Variants in RCC1L observed in about 807,000 individuals in gnomAD.
RCC1L encodes RCC1-like G exchanging factor-like protein.
In RCC1L, 46 loss-of-function variants were observed where a neutral mutation model predicts 58.6. The ratio of observed to expected loss-of-function variants is 0.79; its 90% CI spans 0.62 to 1.00. The LOEUF is 1.00. Among genes scored for constraint, RCC1L ranks in the 50% least tolerant of loss-of-function variants. The pLI, the probability that RCC1L is intolerant of heterozygous loss-of-function variation, is 0.00. For synonymous variants in RCC1L, 281 were observed against 262.9 expected, an observed-to-expected ratio of 1.07 and a Z score of -0.67; for missense variants, 636 against 623.6, an observed-to-expected ratio of 1.02 and a Z score of -0.21.
intron 10 of RCC1L, among the ~76,000 whole-genome samples, chr7:75,052,465 C>T (rs1214469644): frequency 6.6e-6 from 1 of 152,226 alleles, no homozygotes; most frequent in Admixed American, 6.5e-5. Context: ...CTCCTGCACC[C>T]CAAGAAGCCT....
downstream of RCC1L, among the ~76,000 whole-genome samples, chr7:75,041,242 A>C (rs587725526): frequency 0.042 from 4,216 of 100,234 alleles, 88 homozygotes; most frequent in Non-Finnish European, 0.06. Context: ...AACTAACTAA[A>C]TAAATAAAGG....
chr7:75,067,288 C>T (rs1397110234), intron 2 of RCC1L, among the ~76,000 whole-genome samples: 10 of 144,074 alleles, frequency 6.9e-5, no homozygotes, highest in African/African-American at 2.1e-4. Context: ...GGGACAAGAG[C>T]GAGACTTCAT....
intron 1 of RCC1L, 36 bp downstream of exon 1, chr7:75,073,374 AAGAG>A: frequency 1.1e-6 from 1 of 919,902 alleles, no homozygotes; most frequent in African/African-American, 1.8e-5. Context: ...GGGAGCGCGG[AAGAG>A]AGAGAAGGAG....
At chr7:75,030,132 G>A (rs1189624097) in intron 10 of RCC1L, among the ~76,000 whole-genome samples, 1 of 152,254 alleles carries the variant, frequency 6.6e-6, no homozygotes, top group East Asian at 1.9e-4. Context: ...CACTATAAGG[G>A]AAGAGGAGCT....
At chr7:75,050,000 C>A (rs1265899265) in intron 10 of RCC1L, among the ~76,000 whole-genome samples, 1 of 152,208 alleles carries the variant, frequency 6.6e-6, no homozygotes, top group East Asian at 1.9e-4. Context: ...CGAGGCCACT[C>A]CGTGCACAAA....
Position 75,042,499 on chromosome 7 carries a change from C to T in RCC1L, c.*533G>A, listed in dbSNP as rs1420184827. 4.0e-6 allele frequency: 4 copies of T among 990,770 alleles called. 1 individual carries two copies. The highest frequency in any genetic ancestry group is 2.4e-6 in the Non-Finnish European group (2 of 832,922). The allele number at this position is 990,770 out of a possible 1,614,324, so 61.4% of individuals were successfully genotyped here. A position where few individuals can be genotyped will look rare whatever the true frequency, so the allele number is the denominator to read the frequency against. The stretch of plus-strand genomic sequence containing the variant: ...AGGCCACGGTGCTTCTAGTGTCCCC[C>T]CAGCGAGCTTGCGGTGTGGCAGGCG... On this transcript the variant is annotated 3_prime_UTR_variant, in exon 11 of 11. Coordinates refer to ENST00000610322, the MANE Select transcript of RCC1L (RefSeq NM_030798.5).
At chr7:75,043,205 A>C in intron 10 of RCC1L, 96 bp from the exon 11 acceptor site, 1 of 1,363,608 alleles carries the variant, frequency 7.3e-7, no homozygotes, top group Non-Finnish European at 1.0e-6. Context: ...TCTCAGTAGG[A>C]GACTCAGTAG....
At chr7:75,072,179 T>TATATATATATATATATAC (rs1468203886) in intron 1 of RCC1L, among the ~76,000 whole-genome samples, 2 of 97,208 alleles carry the variant, frequency 2.1e-5, no homozygotes, top group African/African-American at 7.1e-5. Flanking sequence ...TATATATATA[T>TATATATATATATATATAC]ATATATATAT....
intron 3 of RCC1L, 89 bp downstream of exon 3, chr7:75,066,575 G>C: frequency 6.4e-7 from 1 of 1,569,584 alleles, no homozygotes; most frequent in Non-Finnish European, 8.7e-7. Flanking sequence ...TGGCTCAATC[G>C]ATCAAGCCAC....
intron 2 of RCC1L, among the ~76,000 whole-genome samples, chr7:75,068,459 G>A (rs1554445547): frequency 6.6e-6 from 1 of 152,182 alleles, no homozygotes; most frequent in African/African-American, 2.4e-5. Context: ...GCCAAGGCAG[G>A]TGGACCACTT....
In RCC1L at chr7:75,036,532, G is replaced by A. The variant is rs1172753378; in HGVS notation, c.1318-8453C>T. ...AGGCATCCTTCTCACCACCCCATCT[G>A]CAGCTCCTGGCATACAGTACGTGCT... On this transcript the variant is annotated intron_variant, in intron 10 of 10. Coordinates refer to the RCC1L transcript ENST00000614461. 2.6e-5 allele frequency among the ~76,000 whole-genome samples: 4 copies of A among 152,060 alleles called. 1 individual carries two copies. The highest frequency in any genetic ancestry group is 5.9e-5 in the Non-Finnish European group (4 of 67,994).
chr7:75,054,799 T>C (rs999522648), intron 9 of RCC1L, among the ~76,000 whole-genome samples: 4 of 149,202 alleles, frequency 2.7e-5, no homozygotes, highest in Non-Finnish European at 4.5e-5. Flanking sequence ...AAAGAATTCA[T>C]GAGACCTACA....
At chr7:75,072,794 T>G (rs1462219384) in intron 1 of RCC1L, among the ~76,000 whole-genome samples, 1 of 152,086 alleles carries the variant, frequency 6.6e-6, no homozygotes, top group African/African-American at 2.4e-5. Flanking sequence ...CTAGCAAACA[T>G]GGCGAAACCC....
intron 1 of RCC1L, among the ~76,000 whole-genome samples, chr7:75,071,017 G>A (rs932733451): frequency 6.6e-6 from 1 of 151,972 alleles, no homozygotes; most frequent in African/African-American, 2.4e-5. Context: ...CACCACGTCT[G>A]GCTAACTTCT....
intron 6 of RCC1L, among the ~76,000 whole-genome samples, chr7:75,060,492 G>A (rs932322451): frequency 2.9e-4 from 44 of 152,170 alleles, no homozygotes; most frequent in Non-Finnish European, 5.1e-4. Context: ...GTGCAATGGC[G>A]CGATCTTGGC....
intron 10 of RCC1L, among the ~76,000 whole-genome samples, chr7:75,035,832 C>A (rs1337320790): frequency 1.3e-5 from 2 of 151,826 alleles, no homozygotes; most frequent in Admixed American, 1.3e-4. Context: ...TGAGGTCCCC[C>A]CATCTCTACA....
chr7:75,052,760 C>T lies in RCC1L; in HGVS notation c.1268G>A (p.Arg423Gln), dbSNP rs1034482571. 29 of 1,613,306 alleles carry T rather than the reference C, an allele frequency of 1.8e-5. No homozygotes were observed. The highest frequency in any genetic ancestry group is 7.7e-5 in the South Asian group (7 of 90,842). ...GELFVWGKNI[R>Q]GCLGIGRLED... The stretch of plus-strand genomic sequence containing the variant: ...CAGGCGACCGATTCCCAGGCACCCT[C>T]GGATGTTCTTGCCCCATACAAACAG... The change falls in exon 10 of 11, where the codon CGA becomes CAA. Residue 423 changes from arginine (R) to glutamine (Q), a missense_variant. Physicochemically the swap from Arg to Gln is conservative, Grantham distance 43. Coordinates refer to ENST00000610322, the MANE Select transcript of RCC1L (RefSeq NM_030798.5).
At chr7:75,052,076 C>CG (rs1305312888) in intron 10 of RCC1L, among the ~76,000 whole-genome samples, 2 of 152,126 alleles carry the variant, frequency 1.3e-5, no homozygotes, top group Non-Finnish European at 2.9e-5. Flanking sequence ...TTAGAATGAG[C>CG]GTCTCTTCCC....
chr7:75,066,557 AT>A, intron 3 of RCC1L, 106 bp downstream of exon 3: 1 of 1,485,800 alleles, frequency 6.7e-7, no homozygotes, highest in Admixed American at 1.9e-5. Flanking sequence ...CATTTCACTC[AT>A]TAGATGTGGC....
Sources: allele counts gnomAD v4.1 joint callset (sites outside exome capture counted in the v4.1 genomes callset), GRCh38; gene constraint gnomAD v4.1.1; transcripts MANE v1.5; gene names NCBI Gene and HGNC (gene_info 2026-07-23, HGNC 2026-07-21).